Variants in DPT observed in about 807,000 individuals in gnomAD.
DPT encodes tyrosine-rich acidic matrix protein.
In DPT, 21 loss-of-function variants were observed where a neutral mutation model predicts 31.2. That is an observed-to-expected ratio of 0.67 (90% CI 0.48 to 0.97). The LOEUF (loss-of-function observed/expected upper bound fraction) is 0.97, where lower values mean the gene tolerates loss of function less well. Among genes scored for constraint, DPT ranks in the 50% least tolerant of loss-of-function variants. The pLI is 0.00. For missense variants in DPT, 262 were observed against 258.8 expected (o/e 1.01, Z -0.08); for synonymous variants, 91 against 86.9 (o/e 1.05, Z -0.26).
chr1:168,706,503 A>G (rs1169029741), intron 2 of DPT, among the ~76,000 whole-genome samples: 1 of 152,212 alleles, frequency 6.6e-6, no homozygotes, highest in African/African-American at 2.4e-5. Flanking sequence ...AAATGGAGTT[A>G]TGTGTAAAGG....
rs754051424 is a variant in DPT at position 168,729,195 on chromosome 1, A to G, written c.-21T>C. ...TCCATGCTGCCTGGGATTTTGGCAA[A>G]CAATGTCACTCTAAGATTGCTGGTC... On this transcript the variant is annotated 5_prime_UTR_variant, in exon 1 of 4. Transcript: ENST00000367817. 2.1e-5 allele frequency: 33 copies of G among 1,605,336 alleles called. No individual in the cohort carries two copies. The South Asian group carries it at 3.6e-4, about 17-fold the overall frequency.
At chr1:168,701,422 T>A (rs1649594618) in intron 2 of DPT, among the ~76,000 whole-genome samples, 1 of 152,240 alleles carries the variant, frequency 6.6e-6, no homozygotes, top group African/African-American at 2.4e-5. Flanking sequence ...ATATCAATAC[T>A]ATTCCTATTC....
intron 3 of DPT, among the ~76,000 whole-genome samples, chr1:168,699,379 G>A (rs948603429): frequency 5.9e-5 from 9 of 151,928 alleles, no homozygotes; most frequent in African/African-American, 2.2e-4. Flanking sequence ...TCTCATTGGT[G>A]GAATGAGTTT....
chr1:168,700,916 TGTGTGTGTGTGTTTATAAATTCCTGCAG>T (rs1237061431), intron 3 of DPT, 73 bp downstream of exon 3: 1 of 728,420 alleles, frequency 1.4e-6, no homozygotes, highest in Non-Finnish European at 2.4e-6. Context: ...TGGGTGTGTG[TGTGTGTGTGTGTTTATAAATTCCTGCAG>T]GTAAAATCCT....
chr1:168,725,239 CTTTCCTTTCCTTTCT>C (rs1650213744), intron 1 of DPT, among the ~76,000 whole-genome samples: 2 of 149,624 alleles, frequency 1.3e-5, no homozygotes, highest in Non-Finnish European at 3.0e-5. Context: ...CTTTCCTTTC[CTTTCCTTTCCTTTCT>C]CTTTCCCTTC....
intron 1 of DPT, among the ~76,000 whole-genome samples, chr1:168,720,325 A>T (rs1201940152): frequency 6.6e-6 from 1 of 152,190 alleles, no homozygotes; most frequent in African/African-American, 2.4e-5. Flanking sequence ...GGTATGCTGG[A>T]CAGGACTTCT....
At chr1:168,705,812 G>A (rs1006864268) in intron 2 of DPT, among the ~76,000 whole-genome samples, 9 of 152,210 alleles carry the variant, frequency 5.9e-5, no homozygotes, top group Non-Finnish European at 1.3e-4. Flanking sequence ...CCAGTGGGAG[G>A]TAATTGAACC....
At chr1:168,706,815 C>T (rs1233308012) in intron 2 of DPT, among the ~76,000 whole-genome samples, 1 of 152,226 alleles carries the variant, frequency 6.6e-6, no homozygotes, top group Non-Finnish European at 1.5e-5. Context: ...TCTCTTGGAA[C>T]TGAGTTTCTA....
At chr1:168,703,386 G>A (rs1229612222) in intron 2 of DPT, among the ~76,000 whole-genome samples, 1 of 152,194 alleles carries the variant, frequency 6.6e-6, no homozygotes, top group African/African-American at 2.4e-5. Context: ...ACATCAAGAA[G>A]TTTTAAGCTT....
intron 1 of DPT, among the ~76,000 whole-genome samples, chr1:168,720,093 C>T (rs759944985): frequency 6.6e-6 from 1 of 151,854 alleles, no homozygotes; most frequent in African/African-American, 2.4e-5. Context: ...GTTGAGGAAT[C>T]AGCAGACATG....
At chr1:168,706,735 G>A (rs1047629480) in intron 2 of DPT, among the ~76,000 whole-genome samples, 3 of 152,216 alleles carry the variant, frequency 2.0e-5, no homozygotes, top group Non-Finnish European at 1.5e-5. Context: ...CAACACGAGG[G>A]AATAACAGTT....
intron 1 of DPT, among the ~76,000 whole-genome samples, chr1:168,727,054 T>C (rs1002005764): frequency 1.3e-5 from 2 of 152,156 alleles, no homozygotes; most frequent in African/African-American, 4.8e-5. Context: ...GGGCTGGGCT[T>C]CTGCTGTGGT....
chr1:168,702,057 C>T (rs888218354), intron 2 of DPT, among the ~76,000 whole-genome samples: 1 of 152,176 alleles, frequency 6.6e-6, no homozygotes, highest in Non-Finnish European at 1.5e-5. Context: ...AGTCTAGAAT[C>T]CCCCAGTTCT....
chr1:168,700,810 G>A (rs1213720431), intron 3 of DPT, among the ~76,000 whole-genome samples: 1 of 152,176 alleles, frequency 6.6e-6, no homozygotes, highest in East Asian at 1.9e-4. Context: ...GACCAGGTAG[G>A]AAACTAAGAT....
At chr1:168,717,223 C>G (rs1316332227) in intron 1 of DPT, among the ~76,000 whole-genome samples, 1 of 152,206 alleles carries the variant, frequency 6.6e-6, no homozygotes, top group Admixed American at 6.5e-5. Flanking sequence ...TCTGTTGGTT[C>G]TTGGCTTTTT....
At chr1:168,718,484 G>A (rs1008241264) in intron 1 of DPT, among the ~76,000 whole-genome samples, 4 of 152,150 alleles carry the variant, frequency 2.6e-5, no homozygotes, top group South Asian at 2.1e-4. Flanking sequence ...CTCCTCCTCC[G>A]GCTTTGGTTT....
At chr1:168,728,759 G>A in intron 1 of DPT, 111 bp downstream of exon 1, 2 of 1,364,690 alleles carry the variant, frequency 1.5e-6, no homozygotes, top group Non-Finnish European at 2.0e-6. Context: ...TTTGGGGTGG[G>A]ATTTGCCCAG....
intron 1 of DPT, among the ~76,000 whole-genome samples, chr1:168,724,735 G>A (rs1046256306): frequency 6.6e-6 from 1 of 152,132 alleles, no homozygotes; most frequent in African/African-American, 2.4e-5. Context: ...CTGAGGCTTG[G>A]TCTTGCTTAG....
At chr1:168,707,173 T>C (rs1269913094) in intron 2 of DPT, among the ~76,000 whole-genome samples, 5 of 152,164 alleles carry the variant, frequency 3.3e-5, no homozygotes, top group Non-Finnish European at 7.3e-5. Context: ...ATCTGTATGA[T>C]AGTATCATAA....
Sources: allele counts gnomAD v4.1 joint callset (sites outside exome capture counted in the v4.1 genomes callset), GRCh38; gene constraint gnomAD v4.1.1; transcripts MANE v1.5; gene names NCBI Gene and HGNC (gene_info 2026-07-23, HGNC 2026-07-21).